The following ROBO1 variants were observed in gnomAD, a reference collection of about 807,000 sequenced individuals.
ROBO1 encodes the protein roundabout homolog 1.
A neutral mutation model predicts 195.9 loss-of-function variants in ROBO1; 149 were observed. That is an observed-to-expected ratio of 0.76 (90% CI 0.67 to 0.87). The LOEUF (loss-of-function observed/expected upper bound fraction) is 0.87, where lower values mean the gene tolerates loss of function less well. Ranked by LOEUF, ROBO1 falls within the 40% of genes least tolerant of loss-of-function variation. The pLI, the probability that ROBO1 is intolerant of heterozygous loss-of-function variation, is 0.00. For synonymous variants in ROBO1, 816 were observed against 733.2 expected (o/e 1.11, Z -1.82); for missense variants, 1,933 against 2,068.3 (o/e 0.93, Z 1.27).
At position 79,160,227 on chromosome 3, in the gene ROBO1, TA is replaced by T. The variant is rs570038219; in HGVS notation, c.89-34689del. Reference sequence around the variant, plus strand: ...ACAATATTATTCTGTTCATTGCCTTTAAAAAAATGTGTGTGTGTGTGTGTGT... The same window carrying T: ...ACAATATTATTCTGTTCATTGCCTTTAAAAAATGTGTGTGTGTGTGTGTGT... On this transcript the variant is annotated intron_variant, in intron 2 of 30. Transcript: ENST00000464233. 5.8e-3 allele frequency among the ~76,000 whole-genome samples: 844 copies of T among 146,062 alleles called. 9 individuals carry two copies. The highest frequency in any genetic ancestry group is 0.02 in the Admixed American group (303 of 14,810).
At chr3:79,478,093 G>A (rs151064769) in intron 2 of ROBO1, among the ~76,000 whole-genome samples, 4 of 152,258 alleles carry the variant, frequency 2.6e-5, no homozygotes, top group African/African-American at 9.6e-5. Flanking sequence ...TTGGTTGGCT[G>A]TAATTCAGTC....
Position 79,369,406 on chromosome 3 carries a change from G to A in ROBO1, c.88+220418C>T, listed in dbSNP as rs145097660. On this transcript the variant is annotated intron_variant, in intron 2 of 30. Coordinates refer to ENST00000464233, the MANE Select transcript of ROBO1 (RefSeq NM_002941.4). Reference sequence around the variant, plus strand: ...CCTTTACACAGTTTGGGAAAAGTCAGCTATAAAACTGTCTTCTTCTCCTTC... The same window carrying A: ...CCTTTACACAGTTTGGGAAAAGTCAACTATAAAACTGTCTTCTTCTCCTTC... Among the ~76,000 whole-genome samples, 115 of 152,314 alleles carry A rather than the reference G, an allele frequency of 7.6e-4. 2 individuals are homozygous for A. In the East Asian group the frequency reaches 0.021, roughly 28 times the overall value.
intron 3 of ROBO1, among the ~76,000 whole-genome samples, chr3:79,068,489 A>G (rs1262407041): frequency 6.6e-6 from 1 of 151,856 alleles, no homozygotes; most frequent in Non-Finnish European, 1.5e-5. Context: ...ATACTTTATT[A>G]TTTCACTATA....
At chr3:78,696,635 C>CAT (rs112581315) in intron 8 of ROBO1, among the ~76,000 whole-genome samples, 1,728 of 144,656 alleles carry the variant, frequency 0.012, 20 homozygotes, top group South Asian at 0.02. Flanking sequence ...TTACTACATG[C>CAT]ATATATATAT....
chr3:79,690,539 A>G (rs926914885), intron 1 of ROBO1, among the ~76,000 whole-genome samples: 3 of 152,024 alleles, frequency 2.0e-5, no homozygotes, highest in Non-Finnish European at 4.4e-5. Context: ...CTCTTAGTTC[A>G]GTGAAATTGT....
intron 17 of ROBO1, among the ~76,000 whole-genome samples, chr3:78,658,488 A>C (rs1325541681): frequency 1.3e-5 from 2 of 152,132 alleles, no homozygotes; most frequent in African/African-American, 4.8e-5. Flanking sequence ...ACGGGCTTTC[A>C]CTGTGTTGGC....
At chr3:79,143,435 T>G (rs1327309986) in intron 2 of ROBO1, among the ~76,000 whole-genome samples, 1 of 151,970 alleles carries the variant, frequency 6.6e-6, no homozygotes, top group Non-Finnish European at 1.5e-5. Context: ...TGTGCCAGAG[T>G]ACTTACCCAA....
intron 4 of ROBO1, among the ~76,000 whole-genome samples, chr3:78,864,089 A>T (rs184381476): frequency 6.6e-6 from 1 of 152,308 alleles, no homozygotes; most frequent in Admixed American, 6.5e-5. Context: ...CTCCTTCTTC[A>T]TCAGGAGGAA....
chr3:78,692,615 G>C (rs1211925839), intron 8 of ROBO1, among the ~76,000 whole-genome samples: 2 of 152,058 alleles, frequency 1.3e-5, no homozygotes, highest in East Asian at 3.9e-4. Flanking sequence ...GATTCTTTTA[G>C]GGACAAAGTT....
chr3:79,608,036 T>G (rs574880873), intron 1 of ROBO1, among the ~76,000 whole-genome samples: 16 of 152,164 alleles, frequency 1.1e-4, no homozygotes, highest in African/African-American at 3.4e-4. Flanking sequence ...TTTCATCAAA[T>G]AACTGTATGA....
chr3:79,640,012 T>A (rs1377329582), intron 1 of ROBO1, among the ~76,000 whole-genome samples: 2 of 152,170 alleles, frequency 1.3e-5, no homozygotes, highest in Non-Finnish European at 2.9e-5. Flanking sequence ...CTTTTCTTCA[T>A]CATCCAGGGA....
intron 2 of ROBO1, among the ~76,000 whole-genome samples, chr3:79,171,091 A>G (rs181342030): frequency 1.8e-4 from 27 of 150,950 alleles, no homozygotes; most frequent in Non-Finnish European, 3.5e-4. Flanking sequence ...ATTATTTTAT[A>G]TAATTTCATT....
chr3:78,822,093 T>TACATAC (rs1553740244), intron 4 of ROBO1, among the ~76,000 whole-genome samples: 1 of 146,854 alleles, frequency 6.8e-6, no homozygotes, highest in Non-Finnish European at 1.5e-5. Flanking sequence ...CACATATACA[T>TACATAC]ACACACACAC....
intron 2 of ROBO1, among the ~76,000 whole-genome samples, chr3:79,528,331 A>G (rs1941519198): frequency 6.6e-6 from 1 of 152,112 alleles, no homozygotes; most frequent in African/African-American, 2.4e-5. Context: ...TTTCTGGGTT[A>G]TCATAAAACC....
chr3:79,709,382 T>A (rs1467749379), intron 1 of ROBO1, among the ~76,000 whole-genome samples: 1 of 152,130 alleles, frequency 6.6e-6, no homozygotes, highest in African/African-American at 2.4e-5. Flanking sequence ...AATAGAGGAA[T>A]CTGTAGCTAC....
intron 3 of ROBO1, among the ~76,000 whole-genome samples, chr3:79,084,372 C>A (rs1019451006): frequency 2.0e-5 from 3 of 152,104 alleles, no homozygotes; most frequent in African/African-American, 4.8e-5. Flanking sequence ...GTGGCACATG[C>A]CTGTAATCCC....
intron 2 of ROBO1, among the ~76,000 whole-genome samples, chr3:79,487,957 A>G (rs184165231): frequency 6.6e-6 from 1 of 152,172 alleles, no homozygotes; most frequent in African/African-American, 2.4e-5. Context: ...AATTATGAAG[A>G]TATTAAAAAG....
At chr3:78,900,740 C>T (rs1016816882) in intron 4 of ROBO1, among the ~76,000 whole-genome samples, 1 of 151,660 alleles carries the variant, frequency 6.6e-6, no homozygotes, top group Non-Finnish European at 1.5e-5. Flanking sequence ...TTAATATTAT[C>T]TTTAAAACAA....
intron 2 of ROBO1, among the ~76,000 whole-genome samples, chr3:79,525,491 A>C (rs917057191): frequency 6.8e-5 from 10 of 147,756 alleles, no homozygotes; most frequent in Non-Finnish European, 1.3e-4. Flanking sequence ...TTACATGTAT[A>C]TTTTATCCAT....
Sources: gnomAD v4.1 joint callset for allele counts (sites outside exome capture counted in the v4.1 genomes callset) on GRCh38, gnomAD v4.1.1 for gene constraint, MANE v1.5 for transcripts, NCBI Gene and HGNC (gene_info 2026-07-23, HGNC 2026-07-21) for gene names.